BLTP2: variants seen among roughly 807,000 people sequenced by gnomAD.
BLTP2 encodes the protein U937-associated antigen.
At chr17:28,634,567 A>G in the BLTP2 span, 1 of 1,614,038 alleles carries the variant, frequency 6.2e-7, no homozygotes, top group African/African-American at 1.3e-5. Context: ...CTGAATGACA[A>G]GATCTAATCC....
chr17:28,616,126 A>T, the BLTP2 span: 6 of 1,614,110 alleles, frequency 3.7e-6, no homozygotes, highest in African/African-American at 1.3e-5. The surrounding 1 kb of genome is among the most constrained non-coding windows in gnomAD (Gnocchi z 4.8). Context: ...GAACCTGTGG[A>T]ATCTTTATGT....
At chr17:28,639,977 A>T in the BLTP2 span, 2 of 1,613,920 alleles carry the variant, frequency 1.2e-6, no homozygotes, top group Non-Finnish European at 1.7e-6. Context: ...GCTGATCCTC[A>T]TCACGGTGGT....
At chr17:28,639,400 G>A in the BLTP2 span, 1 of 1,613,862 alleles carries the variant, frequency 6.2e-7, no homozygotes, top group South Asian at 1.1e-5. Context: ...AATTCCTGGT[G>A]CCGGTAGTGA....
the BLTP2 span, among the ~76,000 whole-genome samples, chr17:28,627,185 AAC>A: frequency 1.3e-5 from 2 of 152,096 alleles, no homozygotes; most frequent in Admixed American, 1.3e-4. Flanking sequence ...GAATAGAAAA[AAC>A]ACTTTTGAGT....
At chr17:28,628,268 C>A in the BLTP2 span, 1 of 1,613,700 alleles carries the variant, frequency 6.2e-7, no homozygotes, top group Non-Finnish European at 8.5e-7. Flanking sequence ...AGCTTACCTC[C>A]TGATGACCCC....
chr17:28,639,042 A>G, the BLTP2 span: 1 of 499,440 alleles, frequency 2.0e-6, no homozygotes, highest in African/African-American at 1.9e-5. Context: ...CAAGACAAAG[A>G]CATTCCTTAT....
At chr17:28,634,879 T>C in the BLTP2 span, 1 of 1,613,970 alleles carries the variant, frequency 6.2e-7, no homozygotes. Context: ...TTTGGCACTC[T>C]CCTTACTTTC....
the BLTP2 span, chr17:28,641,960 T>A: frequency 6.2e-7 from 1 of 1,614,220 alleles, no homozygotes; most frequent in South Asian, 1.1e-5. Flanking sequence ...GAGGCCCTCA[T>A]GCAGTTCAGC....
chr17:28,636,924 G>GA, the BLTP2 span: 63 of 1,551,686 alleles, frequency 4.1e-5, no homozygotes, highest in Non-Finnish European at 5.2e-5. Flanking sequence ...CTAAGCTGAG[G>GA]AAAAAACCAG....
the BLTP2 span, chr17:28,631,596 C>T: frequency 2.5e-5 from 40 of 1,613,856 alleles, no homozygotes; most frequent in Non-Finnish European, 2.5e-6. Context: ...TGGGTGAGGC[C>T]ATCAGGTGAA....
the BLTP2 span, chr17:28,618,654 GTTAATA>G: frequency 1.6e-6 from 1 of 644,970 alleles, no homozygotes; most frequent in Non-Finnish European, 2.6e-6. Flanking sequence ...TAATGAGCTC[GTTAATA>G]TTAATGATAC....
At chr17:28,621,566 A>G in the BLTP2 span, 1 of 1,116,854 alleles carries the variant, frequency 9.0e-7, no homozygotes, top group Non-Finnish European at 1.4e-6. Context: ...CAATTGGGTG[A>G]CAGATCTCCA....
the BLTP2 span, chr17:28,615,036 C>T: frequency 6.3e-7 from 1 of 1,595,284 alleles, no homozygotes; most frequent in Non-Finnish European, 8.5e-7. Flanking sequence ...GAGTCAGATC[C>T]TGTACTGCAG....
the BLTP2 span, among the ~76,000 whole-genome samples, chr17:28,640,879 A>G: frequency 2.0e-5 from 3 of 152,354 alleles, no homozygotes; most frequent in Non-Finnish European, 2.9e-5. Flanking sequence ...CTAAAAACCT[A>G]AAGAGTACAA....
the BLTP2 span, chr17:28,620,937 C>T: frequency 1.3e-6 from 2 of 1,523,894 alleles, no homozygotes; most frequent in Non-Finnish European, 1.8e-6. Context: ...GAAATAACTA[C>T]TTTCACAATT....
the BLTP2 span, chr17:28,640,588 C>G: frequency 1.2e-6 from 2 of 1,614,088 alleles, no homozygotes; most frequent in Non-Finnish European, 1.7e-6. Context: ...GACAATACCA[C>G]GCTTGTGTTC....
At chr17:28,614,986 G>GA in the BLTP2 span, 6 of 1,377,446 alleles carry the variant, frequency 4.4e-6, no homozygotes, top group Non-Finnish European at 6.0e-6. Context: ...TGGATAACGG[G>GA]AAGCCCCTCC....
chr17:28,634,984 G>C, the BLTP2 span: 1 of 1,613,312 alleles, frequency 6.2e-7, no homozygotes, highest in Non-Finnish European at 8.5e-7. Context: ...GAGTAGATCA[G>C]GTGGGAGTGG....
At chr17:28,634,146 C>T in the BLTP2 span, 1 of 1,432,022 alleles carries the variant, frequency 7.0e-7, no homozygotes, top group East Asian at 2.3e-5. Flanking sequence ...ACTCTCGGGC[C>T]TATCTTTTTC....
Sources: gnomAD v4.1 joint callset for allele counts (sites outside exome capture counted in the v4.1 genomes callset) on GRCh38, gnomAD v4.1.1 for gene constraint, Gnocchi (gnomAD v3.1) non-coding constraint, MANE v1.5 for transcripts, NCBI Gene and HGNC (gene_info 2026-07-23, HGNC 2026-07-21) for gene names.